Variants in PDZD9 observed in about 807,000 individuals in gnomAD.
PDZD9 encodes the protein PDZ domain containing 9.
Under a neutral mutation model 16.3 loss-of-function variants are expected in PDZD9, and 13 were observed. The observed-to-expected ratio is 0.80, with a 90% CI of 0.52 to 1.27. The LOEUF is 1.27. PDZD9 is among the 50% of genes most tolerant of loss of function. PDZD9 has a pLI of 0.00. For synonymous variants in PDZD9, 120 were observed against 111.0 expected (o/e 1.08, Z -0.51); for missense variants, 288 against 310.9 (o/e 0.93, Z 0.55).
intron 3 of PDZD9, among the ~76,000 whole-genome samples, chr16:21,985,865 CTAGTCT>C (rs1567484371): frequency 6.6e-6 from 1 of 152,180 alleles, no homozygotes; most frequent in East Asian, 1.9e-4. Context: ...CTGAGAGCCA[CTAGTCT>C]TAAATACTGA....
In PDZD9 at chr16:21,984,569, A is replaced by C; in HGVS notation, c.493T>G (p.Tyr165Asp). ...NVDLDKRLQY[Y>D]RYPWSTVHHP... ...TGCACAGTTGACCACGGATATCTAT[A>C]ATATTGAAGTCTTTTATCTAAATCT... The change falls in exon 4 of 4, where the codon TAT becomes GAT. Residue 165 changes from tyrosine (Y) to aspartate (D), a missense_variant. Tyr to Asp is a radical substitution (Grantham distance 160). Coordinates refer to ENST00000424898, the MANE Select transcript of PDZD9 (RefSeq NM_001363519.1). 1 of 1,576,230 alleles carries C rather than the reference A, an allele frequency of 6.3e-7. No homozygotes were observed. The highest frequency in any genetic ancestry group is 8.7e-7 in the Non-Finnish European group (1 of 1,155,696).
chr16:21,959,225 T>C, the PDZD9 span: 152,508 of 158,858 alleles, frequency 0.96, 73,655 homozygotes, highest in Non-Finnish European at 0.99. Flanking sequence ...GCATGAGATG[T>C]TGTTTTTAGC....
At position 22,000,634 on chromosome 16, in the gene PDZD9, G is replaced by A. The variant is rs368396593; in HGVS notation, c.31+383C>T. On this transcript the variant is annotated intron_variant, in intron 1 of 3. Transcript: ENST00000424898. ...GAGGTCAGGAGTTTGAGACCAGCCT[G>A]GCCAACATGGTGAAATCCCATCTCT... Among the ~76,000 whole-genome samples, 12 of 152,124 alleles carry A rather than the reference G, an allele frequency of 7.9e-5. No homozygotes were observed. The South Asian group carries it at 2.5e-3, about 32-fold the overall frequency.
the PDZD9 span, chr16:21,971,576 G>C: frequency 1.2e-6 from 2 of 1,614,170 alleles, no homozygotes; most frequent in Non-Finnish European, 1.7e-6. Flanking sequence ...CTCAACATGA[G>C]GGGTGGGCTT....
At chr16:21,965,353 ATGT>A in the PDZD9 span, 48 of 1,552,760 alleles carry the variant, frequency 3.1e-5, no homozygotes, top group East Asian at 1.1e-3. Flanking sequence ...GGTTTTAAAA[ATGT>A]TGTCTTTACT....
chr16:21,998,083 T>C (rs935096470), intron 1 of PDZD9, among the ~76,000 whole-genome samples: 5 of 152,208 alleles, frequency 3.3e-5, no homozygotes, highest in Non-Finnish European at 7.4e-5. Flanking sequence ...CAAGATACCA[T>C]CTTCAGAGAC....
chr16:21,984,218 A>G lies in PDZD9; in HGVS notation c.*49T>C, dbSNP rs1328021710. 1 of 1,551,990 alleles carries G rather than the reference A, an allele frequency of 6.4e-7. No individual in the cohort carries two copies. Among genetic ancestry groups the G allele is most frequent in the Non-Finnish European group, 8.7e-7 (1 of 1,147,864 alleles). ...ACAGCAAACTTGTGCCTGGTGAGGC[A>G]CAAAACTTGGGTGTCTGCAAGATAA... On this transcript the variant is annotated 3_prime_UTR_variant, in exon 4 of 4. Coordinates refer to ENST00000424898, the MANE Select transcript of PDZD9 (RefSeq NM_001363519.1).
intron 1 of PDZD9, among the ~76,000 whole-genome samples, chr16:22,000,215 TAC>T (rs1899258094): frequency 6.6e-6 from 1 of 151,810 alleles, no homozygotes; most frequent in Admixed American, 6.6e-5. Flanking sequence ...AAAAATAAAA[TAC>T]AGTGACCCAT....
At chr16:21,992,903 G>A (rs182185696) in intron 2 of PDZD9, among the ~76,000 whole-genome samples, 25 of 152,216 alleles carry the variant, frequency 1.6e-4, no homozygotes, top group African/African-American at 5.5e-4. Flanking sequence ...ATTGGATCAC[G>A]GGGGTGGTTT....
chr16:21,972,830 A>G, the PDZD9 span, among the ~76,000 whole-genome samples: 2 of 152,252 alleles, frequency 1.3e-5, no homozygotes, highest in Non-Finnish European at 2.9e-5. Flanking sequence ...GGCCAGGCAC[A>G]GTGGCTCACG....
the PDZD9 span, among the ~76,000 whole-genome samples, chr16:21,963,375 C>T: frequency 6.6e-6 from 1 of 152,152 alleles, no homozygotes; most frequent in Non-Finnish European, 1.5e-5. Flanking sequence ...TGTTTCTAAA[C>T]ATTTATAATC....
the PDZD9 span, chr16:21,971,578 G>A: frequency 6.2e-7 from 1 of 1,614,144 alleles, no homozygotes; most frequent in East Asian, 2.2e-5. Flanking sequence ...CAACATGAGG[G>A]GTGGGCTTGG....
At chr16:21,966,692 C>G in the PDZD9 span, among the ~76,000 whole-genome samples, 1 of 152,310 alleles carries the variant, frequency 6.6e-6, no homozygotes, top group Admixed American at 6.5e-5. Flanking sequence ...CATCATCCAA[C>G]TTGAACAGGC....
chr16:21,970,912 C>A, the PDZD9 span, among the ~76,000 whole-genome samples: 1 of 151,900 alleles, frequency 6.6e-6, no homozygotes, highest in Non-Finnish European at 1.5e-5. Context: ...CTATTCAAGT[C>A]TTTGCCCATT....
chr16:21,971,921 A>T, the PDZD9 span: 4 of 1,613,854 alleles, frequency 2.5e-6, no homozygotes, highest in Non-Finnish European at 3.4e-6. Flanking sequence ...ATCTGGCCCC[A>T]GGTGAAATCC....
intron 3 of PDZD9, among the ~76,000 whole-genome samples, chr16:21,988,070 C>T (rs922456391): frequency 3.0e-5 from 4 of 132,442 alleles, no homozygotes; most frequent in Non-Finnish European, 6.1e-5. Context: ...TGCAGTGGTG[C>T]GATCTCGGCT....
chr16:21,983,076 G>A, downstream of PDZD9: 1 of 1,607,028 alleles, frequency 6.2e-7, no homozygotes, highest in Non-Finnish European at 8.5e-7. Flanking sequence ...TCTTTTGTTT[G>A]TTTCTTTAAA....
intron 2 of PDZD9, among the ~76,000 whole-genome samples, chr16:21,992,761 C>T (rs1423971517): frequency 2.0e-5 from 3 of 152,140 alleles, no homozygotes; most frequent in Non-Finnish European, 2.9e-5. Context: ...TTTTGGGACT[C>T]GGACTGAGCC....
At chr16:21,985,212 T>C (rs1898847495) in intron 3 of PDZD9, among the ~76,000 whole-genome samples, 1 of 152,158 alleles carries the variant, frequency 6.6e-6, no homozygotes, top group Non-Finnish European at 1.5e-5. Flanking sequence ...ATTCCTGGGC[T>C]CAAGTGACCC....
Sources: gnomAD v4.1 joint callset for allele counts (sites outside exome capture counted in the v4.1 genomes callset) on GRCh38, gnomAD v4.1.1 for gene constraint, MANE v1.5 for transcripts, NCBI Gene and HGNC (gene_info 2026-07-23, HGNC 2026-07-21) for gene names.